Variants in PDE3B observed in about 807,000 individuals in gnomAD.
The protein encoded by PDE3B is phosphodiesterase 3B, also known as cGMP-inhibited 3',5'-cyclic phosphodiesterase 3B.
In PDE3B, 66 loss-of-function variants were observed where a neutral mutation model predicts 116.8. That is an observed-to-expected ratio of 0.56 (90% CI 0.46 to 0.69). The LOEUF is 0.69. Ranked by LOEUF, PDE3B falls within the 30% of genes least tolerant of loss-of-function variation. PDE3B has a pLI of 0.00. For missense variants in PDE3B, 1,384 were observed against 1,368.1 expected (o/e 1.01, Z -0.18); for synonymous variants, 595 against 533.6 (o/e 1.12, Z -1.59).
intron 2 of PDE3B, among the ~76,000 whole-genome samples, chr11:14,779,563 C>A (rs1274130242): frequency 1.2e-4 from 18 of 152,046 alleles, no homozygotes; most frequent in Admixed American, 1.3e-4. Flanking sequence ...ATATCCATCC[C>A]AACTAAGCTT....
intron 4 of PDE3B, among the ~76,000 whole-genome samples, chr11:14,793,613 A>T: frequency 6.6e-6 from 1 of 152,268 alleles, no homozygotes; most frequent in South Asian, 2.1e-4. Flanking sequence ...GTCAAACAGC[A>T]TATATTCAGG....
At chr11:14,890,893 G>A in the PDE3B span, 4 of 985,338 alleles carry the variant, frequency 4.1e-6, no homozygotes, top group Non-Finnish European at 4.8e-6. Flanking sequence ...AGGATTTAAG[G>A]TCAAACCTGA....
At chr11:14,663,237 A>G (rs564244886) in intron 1 of PDE3B, among the ~76,000 whole-genome samples, 107 of 152,150 alleles carry the variant, frequency 7.0e-4, no homozygotes, top group African/African-American at 2.6e-3. Flanking sequence ...GAAATAAAAT[A>G]CTTTACAGAC....
intron 1 of PDE3B, among the ~76,000 whole-genome samples, chr11:14,760,371 T>G (rs1857324834): frequency 6.6e-6 from 1 of 152,240 alleles, no homozygotes; most frequent in African/African-American, 2.4e-5. Flanking sequence ...GATTATGTGC[T>G]GCGTACTCAC....
At chr11:14,799,976 G>A (rs1051336346) in intron 4 of PDE3B, among the ~76,000 whole-genome samples, 82 of 152,214 alleles carry the variant, frequency 5.4e-4, no homozygotes, top group African/African-American at 1.9e-3. Context: ...TCATTATGAT[G>A]CTAGCTGGTT....
intron 14 of PDE3B, among the ~76,000 whole-genome samples, chr11:14,865,758 C>T (rs183558943): frequency 9.3e-4 from 141 of 152,024 alleles, no homozygotes; most frequent in African/African-American, 2.8e-3. Context: ...CTTTAGAGCT[C>T]GCCCATGGAT....
At chr11:14,667,429 TATA>T (rs1295910411) in intron 1 of PDE3B, among the ~76,000 whole-genome samples, 1 of 148,930 alleles carries the variant, frequency 6.7e-6, no homozygotes, top group Non-Finnish European at 1.5e-5. Flanking sequence ...AAACTTAAAG[TATA>T]ATAATAATAA....
intron 1 of PDE3B, among the ~76,000 whole-genome samples, chr11:14,708,388 C>T (rs891620968): frequency 6.6e-6 from 1 of 151,982 alleles, no homozygotes; most frequent in Non-Finnish European, 1.5e-5. Context: ...AACTACCCAG[C>T]CTCAGGTATT....
At chr11:14,657,075 A>C (rs1214710444) in intron 1 of PDE3B, among the ~76,000 whole-genome samples, 1 of 152,196 alleles carries the variant, frequency 6.6e-6, no homozygotes, top group East Asian at 1.9e-4. Context: ...TCAGAGTTAA[A>C]GATTAAGAAC....
chr11:14,782,129 C>T (rs1858024086), intron 2 of PDE3B, among the ~76,000 whole-genome samples: 1 of 152,118 alleles, frequency 6.6e-6, no homozygotes, highest in Admixed American at 6.6e-5. Flanking sequence ...TCAAGGAGAA[C>T]TACAAACCAC....
chr11:14,778,931 A>G lies in PDE3B; in HGVS notation c.1029+6944A>G, dbSNP rs145237540. ...AAGAAGCCAAAAACCTTGAAAAAAG[A>G]TTAGACGAATGGCTAACTAAAATAA... is the stretch of plus-strand genomic sequence containing the variant. On this transcript the variant is annotated intron_variant, in intron 2 of 15. Transcript: ENST00000282096. Among the ~76,000 whole-genome samples the G allele has an allele frequency of 4.9e-3, 749 of 152,310 alleles. 3 individuals are homozygous for G. Among genetic ancestry groups the G allele is most frequent in the African/African-American group, 0.017 (726 of 41,566 alleles).
the PDE3B span, chr11:14,892,219 A>C: frequency 6.2e-7 from 1 of 1,607,096 alleles, no homozygotes; most frequent in Non-Finnish European, 8.5e-7. Flanking sequence ...CCCGAGCTGG[A>C]GGTGCGAACT....
the PDE3B span, chr11:14,885,808 A>G: frequency 2.5e-6 from 4 of 1,613,290 alleles, no homozygotes; most frequent in Non-Finnish European, 3.4e-6. Context: ...GAATAAAGGA[A>G]GGCATGGTCT....
At chr11:14,789,418 T>C (rs1423989630) in intron 4 of PDE3B, among the ~76,000 whole-genome samples, 176 bp downstream of exon 4, 2 of 152,030 alleles carry the variant, frequency 1.3e-5, no homozygotes, top group Non-Finnish European at 2.9e-5. Context: ...AAAGAGAAGC[T>C]AATGTGTCTT....
the PDE3B span, chr11:14,880,452 CAAG>C: frequency 9.9e-6 from 16 of 1,613,416 alleles, no homozygotes; most frequent in African/African-American, 2.1e-4. Context: ...AGGCATTATA[CAAG>C]AAGACTGAGG....
At chr11:14,679,678 T>C (rs1313789802) in intron 1 of PDE3B, among the ~76,000 whole-genome samples, 2 of 151,818 alleles carry the variant, frequency 1.3e-5, no homozygotes, top group Admixed American at 1.3e-4. Flanking sequence ...TGCTTGTGGT[T>C]CCTGATCCCT....
At chr11:14,897,507 C>T in the PDE3B span, among the ~76,000 whole-genome samples, 1 of 152,134 alleles carries the variant, frequency 6.6e-6, no homozygotes, top group Non-Finnish European at 1.5e-5. Flanking sequence ...GGAGGTTGTC[C>T]ACCTCTCAGA....
chr11:14,892,246 A>C, the PDE3B span: 1 of 1,570,574 alleles, frequency 6.4e-7, no homozygotes, highest in Non-Finnish European at 8.7e-7. Flanking sequence ...CAGCCCTGAG[A>C]CCCAGGCACT....
intron 1 of PDE3B, among the ~76,000 whole-genome samples, chr11:14,765,804 A>G (rs1163665864): frequency 6.7e-6 from 1 of 149,980 alleles, no homozygotes; most frequent in Non-Finnish European, 1.5e-5. Flanking sequence ...ACTGGGATTA[A>G]AAATTTAATT....
Sources: allele counts gnomAD v4.1 joint callset (sites outside exome capture counted in the v4.1 genomes callset), GRCh38; gene constraint gnomAD v4.1.1; transcripts MANE v1.5; gene names NCBI Gene and HGNC (gene_info 2026-07-23, HGNC 2026-07-21).